PTPRD: variants seen among roughly 807,000 people sequenced by gnomAD.
PTPRD encodes receptor-type tyrosine-protein phosphatase delta.
PTPRD carries 34 observed loss-of-function variants against 214.5 expected under a neutral mutation model. The ratio of observed to expected loss-of-function variants is 0.16; its 90% CI spans 0.12 to 0.21. The LOEUF (loss-of-function observed/expected upper bound fraction) is 0.21, where lower values mean the gene tolerates loss of function less well. Ranked by LOEUF, PTPRD falls within the 10% of genes least tolerant of loss-of-function variation. The pLI, the probability that PTPRD is intolerant of heterozygous loss-of-function variation, is 1.00. For synonymous variants in PTPRD, 1,128 were observed against 845.7 expected, an observed-to-expected ratio of 1.33 and a Z score of -5.79; for missense variants, 2,545 against 2,398.7, an observed-to-expected ratio of 1.06 and a Z score of -1.27.
intron 11 of PTPRD, among the ~76,000 whole-genome samples, chr9:8,839,210 A>C (rs928808613): frequency 6.6e-6 from 1 of 152,234 alleles, no homozygotes; most frequent in Non-Finnish European, 1.5e-5. Flanking sequence ...TCAGTAATTA[A>C]AGAAATTCAT....
At chr9:10,267,409 C>T (rs1255084989) in intron 3 of PTPRD, among the ~76,000 whole-genome samples, 2 of 151,796 alleles carry the variant, frequency 1.3e-5, no homozygotes, top group East Asian at 1.9e-4. Context: ...AAAAAATGTA[C>T]GTTAATGTAT....
chr9:9,907,095 G>A (rs2077783504), intron 5 of PTPRD, among the ~76,000 whole-genome samples: 1 of 151,864 alleles, frequency 6.6e-6, no homozygotes, highest in South Asian at 2.1e-4. Context: ...TCCTAATGAT[G>A]AGAGGAGTTC....
intron 2 of PTPRD, among the ~76,000 whole-genome samples, chr9:10,444,821 G>T (rs1015195403): frequency 6.6e-6 from 1 of 151,866 alleles, no homozygotes; most frequent in Non-Finnish European, 1.5e-5. Context: ...ATTAGACTTT[G>T]TGTTTAAAAT....
intron 12 of PTPRD, among the ~76,000 whole-genome samples, chr9:8,665,953 G>A (rs2097161154): frequency 6.6e-6 from 1 of 151,808 alleles, no homozygotes; most frequent in South Asian, 2.1e-4. Context: ...AATTCAAAGT[G>A]TTCCAATGAA....
intron 3 of PTPRD, among the ~76,000 whole-genome samples, chr9:10,179,095 G>C (rs2099266811): frequency 6.6e-6 from 1 of 151,786 alleles, no homozygotes; most frequent in African/African-American, 2.4e-5. Context: ...AAATTTTAAT[G>C]GTCATAATTT....
rs1375699948 is a variant in PTPRD, at chr9:9,029,440, G to A, written c.-142-10705C>T. 2.0e-5 allele frequency among the ~76,000 whole-genome samples: 3 copies of A among 151,998 alleles called. No individual in the cohort carries two copies. In the South Asian group the frequency reaches 6.2e-4, roughly 32 times the overall value. On this transcript the variant is annotated intron_variant, in intron 10 of 45. Transcript: ENST00000381196. ...TGACAAGGGCTAGATAAAGCAGGTG[G>A]CAATGGGAAAAATTGGGTAGCAGTG...
chr9:8,757,330 T>C (rs532229591), intron 11 of PTPRD, among the ~76,000 whole-genome samples: 2 of 152,234 alleles, frequency 1.3e-5, no homozygotes, highest in South Asian at 2.1e-4. Flanking sequence ...CCCAAATACA[T>C]GGTTTGAATG....
At chr9:9,938,731 A>C (rs1324461679) in intron 4 of PTPRD, 121 bp from the exon 5 acceptor site, 1 of 152,162 alleles carries the variant, frequency 6.6e-6, no homozygotes, top group Admixed American at 6.5e-5. Flanking sequence ...AACACAAAGG[A>C]AAGAAGTATA....
At chr9:9,790,597 GTATAAA>G (rs2098960290) in intron 5 of PTPRD, among the ~76,000 whole-genome samples, 1 of 152,072 alleles carries the variant, frequency 6.6e-6, no homozygotes, top group Admixed American at 6.6e-5. Context: ...AGTTTAATAG[GTATAAA>G]TATAAGTTTT....
intron 10 of PTPRD, among the ~76,000 whole-genome samples, chr9:9,093,072 A>T (rs1487233113): frequency 3.9e-5 from 6 of 152,076 alleles, no homozygotes; most frequent in Non-Finnish European, 8.8e-5. Context: ...AGTAGGCTTC[A>T]GAACAGGGAT....
rs142495007 is a variant in PTPRD, at chr9:8,999,640, A to T, written c.-104+19057T>A. 5.8e-3 allele frequency among the ~76,000 whole-genome samples: 884 copies of T among 152,062 alleles called. 4 individuals are homozygous for T. The highest frequency in any genetic ancestry group is 0.01 in the Middle Eastern group (3 of 294). ...TAATATCTCCGAGGTATGCTTTTAA[A>T]AATAAATAATCAGTATTATTTCCTC... On this transcript the variant is annotated intron_variant, in intron 11 of 45. Coordinates refer to ENST00000381196, the MANE Select transcript of PTPRD (RefSeq NM_002839.4).
chr9:9,741,198 G>A (rs1226984860), intron 6 of PTPRD, among the ~76,000 whole-genome samples: 2 of 152,128 alleles, frequency 1.3e-5, no homozygotes, highest in Non-Finnish European at 2.9e-5. Flanking sequence ...TCTGAAATCT[G>A]TACATGTAAA....
At position 9,909,733 on chromosome 9, in the gene PTPRD, A is replaced by T. The variant is rs556305085; in HGVS notation, c.-368+28774T>A. ...TAAGAAATTGACTAAGTTGACTTCA[A>T]CATACAGACATGTGAGCCTTTGGGA... On this transcript the variant is annotated intron_variant, in intron 5 of 45. Transcript: ENST00000381196. Among the ~76,000 whole-genome samples, 3 of 151,910 alleles carry T rather than the reference A, an allele frequency of 2.0e-5. No homozygotes were observed. The South Asian group carries it at 6.2e-4, about 31-fold the overall frequency.
intron 45 of PTPRD, 136 bp downstream of exon 45, chr9:8,319,695 G>A: frequency 2.8e-6 from 3 of 1,077,378 alleles, no homozygotes; most frequent in Non-Finnish European, 2.6e-6. Context: ...GGAAAATGAG[G>A]TTCAAAATTA....
chr9:8,647,535 T>G (rs939485813), intron 12 of PTPRD, among the ~76,000 whole-genome samples: 1 of 152,228 alleles, frequency 6.6e-6, no homozygotes, highest in African/African-American at 2.4e-5. Flanking sequence ...TTAAATTTAT[T>G]GTTAAACATT....
intron 6 of PTPRD, among the ~76,000 whole-genome samples, chr9:9,746,355 C>G (rs1232446747): frequency 6.6e-6 from 1 of 152,066 alleles, no homozygotes; most frequent in Admixed American, 6.6e-5. Context: ...AGAAAGGAGA[C>G]AGTCTCAGAG....
intron 2 of PTPRD, among the ~76,000 whole-genome samples, chr9:10,575,230 A>G (rs1487854656): frequency 6.6e-6 from 1 of 152,126 alleles, no homozygotes; most frequent in Non-Finnish European, 1.5e-5. Context: ...AAGAATTTAA[A>G]GATGATCAAG....
At chr9:9,615,587 C>A (rs756408390) in intron 7 of PTPRD, among the ~76,000 whole-genome samples, 6 of 152,008 alleles carry the variant, frequency 3.9e-5, no homozygotes, top group Non-Finnish European at 5.9e-5. Context: ...TAAAGTACTC[C>A]CTCTTTAACC....
At chr9:9,935,771 T>A (rs1413704549) in intron 5 of PTPRD, among the ~76,000 whole-genome samples, 20 of 148,254 alleles carry the variant, frequency 1.3e-4, no homozygotes, top group African/African-American at 5.0e-4. Flanking sequence ...CATTGCCAAG[T>A]CAATCCTAAG....
Sources: allele counts gnomAD v4.1 joint callset (sites outside exome capture counted in the v4.1 genomes callset), GRCh38; gene constraint gnomAD v4.1.1; transcripts MANE v1.5; gene names NCBI Gene and HGNC (gene_info 2026-07-23, HGNC 2026-07-21).